Variants in ROBO1 observed in about 807,000 individuals in gnomAD.
ROBO1 encodes the protein roundabout guidance receptor 1, also known as roundabout homolog 1.
Under a neutral mutation model 195.9 loss-of-function variants are expected in ROBO1, and 149 were observed. That is an observed-to-expected ratio of 0.76 (90% CI 0.67 to 0.87). ROBO1 has a LOEUF of 0.87. Among genes scored for constraint, ROBO1 ranks in the 40% least tolerant of loss-of-function variants. ROBO1 has a pLI of 0.00. For synonymous variants in ROBO1, 816 were observed against 733.2 expected (o/e 1.11, Z -1.82); for missense variants, 1,933 against 2,068.3 (o/e 0.93, Z 1.27).
At position 78,667,954 on chromosome 3, in the gene ROBO1, A is replaced by C. The variant is rs1303580481; in HGVS notation, c.1895T>G (p.Phe632Cys). The stretch of plus-strand genomic sequence containing the variant: ...ATATGCATTAGCTGCCCTCACAAGG[A>C]AAAGGTAAATTGCATTAGGTTTGAG... ...KGLKPNAIYL[F>C]LVRAANAYGI... Residue 632 changes from phenylalanine to cysteine, a missense_variant, in exon 14 of 31, where the codon TTC becomes TGC. Phe to Cys is a radical substitution (Grantham distance 205, BLOSUM62 -2). Coordinates refer to ENST00000464233, the MANE Select transcript of ROBO1 (RefSeq NM_002941.4). The C allele has an allele frequency of 1.2e-6, 2 of 1,613,798 alleles. No individual in the cohort carries two copies.
chr3:79,265,252 T>C (rs532434929), intron 2 of ROBO1, among the ~76,000 whole-genome samples: 1 of 151,904 alleles, frequency 6.6e-6, no homozygotes, highest in Admixed American at 6.6e-5. Context: ...TCTATGTTCT[T>C]TTGGAGATAG....
At chr3:79,555,500 T>C (rs1452859993) in intron 2 of ROBO1, among the ~76,000 whole-genome samples, 1 of 152,150 alleles carries the variant, frequency 6.6e-6, no homozygotes, top group Non-Finnish European at 1.5e-5. Flanking sequence ...GTTGCCGATT[T>C]ACATTTATGG....
At chr3:79,500,566 T>C (rs141170988) in intron 2 of ROBO1, among the ~76,000 whole-genome samples, 18 of 152,310 alleles carry the variant, frequency 1.2e-4, no homozygotes, top group African/African-American at 4.3e-4. Flanking sequence ...CCCTCTATCA[T>C]CCTGTCCGTG....
intron 2 of ROBO1, among the ~76,000 whole-genome samples, chr3:79,254,452 ACACACATTCACACACTCACACATT>A (rs2082790442): frequency 6.6e-6 from 1 of 152,014 alleles, no homozygotes; most frequent in African/African-American, 2.4e-5. Flanking sequence ...AAGGAAGCTC[ACACACATTCACACACTCACACATT>A]CACACACTCA....
At chr3:79,727,074 T>A (rs12638741) in intron 1 of ROBO1, among the ~76,000 whole-genome samples, 44,452 of 152,042 alleles carry the variant, frequency 0.29, 6,517 homozygotes, top group East Asian at 0.33. Context: ...CTAGACTGAA[T>A]TAAAATGTAT....
intron 4 of ROBO1, among the ~76,000 whole-genome samples, chr3:78,838,939 T>G (rs2032966842): frequency 1.3e-5 from 2 of 152,238 alleles, no homozygotes; most frequent in Admixed American, 1.3e-4. Flanking sequence ...AATCTAGATG[T>G]TAAACATTGT....
chr3:79,001,336 T>C (rs1443615424), intron 3 of ROBO1, among the ~76,000 whole-genome samples: 1 of 152,090 alleles, frequency 6.6e-6, no homozygotes, highest in South Asian at 2.1e-4. Context: ...TCACTCACTA[T>C]CATGAGAACA....
At chr3:79,269,987 G>C (rs2030371791) in intron 2 of ROBO1, among the ~76,000 whole-genome samples, 1 of 151,762 alleles carries the variant, frequency 6.6e-6, no homozygotes. Context: ...AAAATCACTT[G>C]CAGTAAAGAT....
At chr3:78,689,704 C>G (rs956845123) in intron 8 of ROBO1, among the ~76,000 whole-genome samples, 1 of 151,960 alleles carries the variant, frequency 6.6e-6, no homozygotes, top group Non-Finnish European at 1.5e-5. Context: ...ATGCTTCAAG[C>G]GACATTTAAT....
rs150904541 is a variant in ROBO1, at chr3:79,580,399, T to C, written c.88+9425A>G. Among the ~76,000 whole-genome samples the C allele has an allele frequency of 3.3e-3, 495 of 152,032 alleles. 2 individuals carry two copies. Among genetic ancestry groups the C allele is most frequent in the African/African-American group, 0.011 (445 of 41,500 alleles). On this transcript the variant is annotated intron_variant, in intron 2 of 30. Coordinates refer to ENST00000464233, the MANE Select transcript of ROBO1 (RefSeq NM_002941.4). ...GGAGGCAGGAGAATCACTTGGACCC[T>C]TGAGCCCAGGAGGCAAAGGTTGCAG...
chr3:79,589,241 A>G (rs1044176326), intron 2 of ROBO1, among the ~76,000 whole-genome samples: 5 of 151,738 alleles, frequency 3.3e-5, no homozygotes, highest in African/African-American at 7.2e-5. Context: ...TTAAAACAGT[A>G]TAAGTAAAGC....
At chr3:78,659,379 C>T (rs1032577646) in intron 17 of ROBO1, among the ~76,000 whole-genome samples, 1 of 151,866 alleles carries the variant, frequency 6.6e-6, no homozygotes, top group African/African-American at 2.4e-5. Flanking sequence ...ACTTGGTTAC[C>T]GTACAGATTA....
At chr3:79,478,168 A>G (rs1395596574) in intron 2 of ROBO1, among the ~76,000 whole-genome samples, 4 of 152,168 alleles carry the variant, frequency 2.6e-5, no homozygotes, top group Admixed American at 6.6e-5. Flanking sequence ...CCTGGGATCT[A>G]CAGAAGAAAA....
At chr3:78,858,009 T>G (rs2034558003) in intron 4 of ROBO1, among the ~76,000 whole-genome samples, 1 of 152,080 alleles carries the variant, frequency 6.6e-6, no homozygotes, top group Admixed American at 6.6e-5. Flanking sequence ...CACAGGAAAT[T>G]CCTGATATAT....
intron 3 of ROBO1, among the ~76,000 whole-genome samples, chr3:79,036,609 A>G (rs1486400073): frequency 6.6e-6 from 1 of 152,192 alleles, no homozygotes; most frequent in Non-Finnish European, 1.5e-5. Context: ...ATATGTTCAT[A>G]AGAATACAAG....
At chr3:79,224,072 TA>T (rs1350395436) in intron 2 of ROBO1, among the ~76,000 whole-genome samples, 1 of 151,964 alleles carries the variant, frequency 6.6e-6, no homozygotes, top group Non-Finnish European at 1.5e-5. Flanking sequence ...AAAAGAAAGA[TA>T]AAAACAAAAT....
chr3:79,734,348 AC>A (rs1474595331), intron 1 of ROBO1, among the ~76,000 whole-genome samples: 4 of 152,208 alleles, frequency 2.6e-5, no homozygotes, highest in African/African-American at 9.7e-5. Context: ...CAAACAAAAA[AC>A]ATCACCCAAT....
chr3:79,690,978 A>G (rs1447324979), intron 1 of ROBO1, among the ~76,000 whole-genome samples: 2 of 151,924 alleles, frequency 1.3e-5, no homozygotes, highest in Admixed American at 1.3e-4. Context: ...TACATATATA[A>G]TTTATTCTTT....
chr3:79,335,811 AGACAG>A (rs2034641995), intron 2 of ROBO1, among the ~76,000 whole-genome samples: 1 of 152,200 alleles, frequency 6.6e-6, no homozygotes, highest in Non-Finnish European at 1.5e-5. Context: ...GCTTGGAAGA[AGACAG>A]GAAGATGTGG....
Sources: allele counts gnomAD v4.1 joint callset (sites outside exome capture counted in the v4.1 genomes callset), GRCh38; gene constraint gnomAD v4.1.1; transcripts MANE v1.5; gene names NCBI Gene and HGNC (gene_info 2026-07-23, HGNC 2026-07-21).